The following NT5C1A variants were observed in gnomAD, a reference collection of about 807,000 sequenced individuals.
The protein encoded by NT5C1A is cytosolic 5'-nucleotidase 1A.
A neutral mutation model predicts 31.0 loss-of-function variants in NT5C1A; 18 were observed. The ratio of observed to expected loss-of-function variants is 0.58; its 90% CI spans 0.40 to 0.86. NT5C1A has a LOEUF of 0.86. NT5C1A is among the 40% of genes least tolerant of loss of function. The pLI, the probability that NT5C1A is intolerant of heterozygous loss-of-function variation, is 0.00. For synonymous variants in NT5C1A, 185 were observed against 203.6 expected (o/e 0.91, Z 0.78); for missense variants, 470 against 505.4 (o/e 0.93, Z 0.67).
rs748091181 is a variant in NT5C1A, at chr1:39,665,531, G to C, written c.423C>G (p.Ile141Met). 1.2e-6 allele frequency: 2 copies of C among 1,612,634 alleles called. No individual in the cohort carries two copies. The highest frequency in any genetic ancestry group is 1.7e-6 in the Non-Finnish European group (2 of 1,179,602). ...AQVGVRLINSINHYDLFIERF... is the reference protein window; with the variant it reads ...AQVGVRLINSMNHYDLFIERF... Reference sequence around the variant, plus strand: ...CATGCTCATGCTCACCATAGTGGTTGATACTGTTGATGAGGCGGACACCCA... The same window carrying C: ...CATGCTCATGCTCACCATAGTGGTTCATACTGTTGATGAGGCGGACACCCA... The change falls in exon 3 of 6, where the codon ATC (isoleucine) becomes ATG (methionine). Residue 141 changes from isoleucine (I) to methionine (M), a missense_variant. By Grantham distance (10) the Ile-to-Met change is conservative (BLOSUM62 1). Coordinates refer to ENST00000235628, the MANE Select transcript of NT5C1A (RefSeq NM_032526.3).
At chr1:39,664,593 A>G (rs757706147) in intron 3 of NT5C1A, among the ~76,000 whole-genome samples, 22 of 135,852 alleles carry the variant, frequency 1.6e-4, no homozygotes, top group Non-Finnish European at 2.5e-4. Context: ...CCCGGGTTCA[A>G]GTGATTCTCA....
Position 39,667,190 on chromosome 1 carries a change from C to T in NT5C1A, c.136-954G>A, listed in dbSNP as rs945481399. Reference sequence around the variant, plus strand: ...GCTTTCTCACATCAGGTCATACTTTCCCCCTCTTTTTTTTTTTTTTTTTTT... The same window carrying T: ...GCTTTCTCACATCAGGTCATACTTTTCCCCTCTTTTTTTTTTTTTTTTTTT... On this transcript the variant is annotated intron_variant, in intron 1 of 5. Transcript: ENST00000235628. 3.7e-5 allele frequency among the ~76,000 whole-genome samples: 5 copies of T among 136,216 alleles called. 1 individual carries two copies. The highest frequency in any genetic ancestry group is 6.1e-5 in the Non-Finnish European group (4 of 65,344). 89.4% of individuals were successfully genotyped at this position (136,216 alleles called of 152,430 possible).
chr1:39,661,914 C>T (rs1646494702), intron 4 of NT5C1A, among the ~76,000 whole-genome samples: 1 of 152,348 alleles, frequency 6.6e-6, no homozygotes, highest in African/African-American at 2.4e-5. Flanking sequence ...GTATGCCCTG[C>T]TGGCGGCTGG....
At chr1:39,665,262 C>A (rs933441861) in intron 3 of NT5C1A, among the ~76,000 whole-genome samples, 2 of 152,218 alleles carry the variant, frequency 1.3e-5, no homozygotes, top group Non-Finnish European at 2.9e-5. Context: ...GTTAAACATT[C>A]AGAAATTTTG....
At chr1:39,671,819 C>G in intron 1 of NT5C1A, 85 bp downstream of exon 1, 1 of 1,534,568 alleles carries the variant, frequency 6.5e-7, no homozygotes, top group Non-Finnish European at 8.9e-7. Context: ...AGAGGGGCGC[C>G]ACGGGTCCCT....
At chr1:39,663,537 C>T (rs528340370) in intron 3 of NT5C1A, 103 bp from the exon 4 acceptor site, 28 of 1,190,184 alleles carry the variant, frequency 2.4e-5, no homozygotes, top group Admixed American at 8.6e-5. Context: ...GGGTGTGGTA[C>T]GGCAGCACAG....
intron 2 of NT5C1A, 96 bp from the exon 3 acceptor site, chr1:39,665,746 C>G: frequency 7.8e-7 from 1 of 1,288,334 alleles, no homozygotes; most frequent in Non-Finnish European, 1.1e-6. Flanking sequence ...AGGAGCCATG[C>G]TTGGGATGAG....
rs974385212 is a variant in NT5C1A at position 39,652,254 on chromosome 1, C to T, written c.*6867G>A. On this transcript the variant is annotated 3_prime_UTR_variant, in exon 6 of 6. Transcript: ENST00000235628. ...AACTGGAGATTCAAGGGCCGGATCT[C>T]GCCTACAGAATATGTTTTATTTGGC... is the stretch of plus-strand genomic sequence containing the variant. Among the ~76,000 whole-genome samples, 3 of 151,920 alleles carry T rather than the reference C, an allele frequency of 2.0e-5. No homozygotes were observed. Among genetic ancestry groups the T allele is most frequent in the Admixed American group, 2.0e-4 (3 of 15,246 alleles).
intron 4 of NT5C1A, 79 bp downstream of exon 4, chr1:39,663,233 G>A (rs1047375881): frequency 4.6e-5 from 71 of 1,560,218 alleles, no homozygotes; most frequent in Admixed American, 6.8e-5. Context: ...GCACCTGCTC[G>A]GAACTTCAGG....
intron 3 of NT5C1A, 115 bp from the exon 4 acceptor site, chr1:39,663,549 G>A (rs551611684): frequency 3.3e-5 from 33 of 1,012,382 alleles, no homozygotes; most frequent in East Asian, 1.0e-4. Flanking sequence ...GCAGCACAGC[G>A]TGTCTCAGTG....
rs1488045472 is a variant in NT5C1A at position 39,658,593 on chromosome 1, C to A, written c.*528G>T. On this transcript the variant is annotated 3_prime_UTR_variant, in exon 6 of 6. Coordinates refer to ENST00000235628, the MANE Select transcript of NT5C1A (RefSeq NM_032526.3). Reference sequence around the variant, plus strand: ...ATACATACCAGCAGCAGCACTGACACAGAATGCTTCCTTCTAAGAGGGCGA... The same window carrying A: ...ATACATACCAGCAGCAGCACTGACAAAGAATGCTTCCTTCTAAGAGGGCGA... Among the ~76,000 whole-genome samples the A allele has an allele frequency of 6.6e-6, 1 of 152,176 alleles. No individual in the cohort carries two copies. Among genetic ancestry groups the A allele is most frequent in the African/African-American group, 2.4e-5 (1 of 41,424 alleles).
In NT5C1A at chr1:39,659,404, A is replaced by G. The variant is rs1469917272; in HGVS notation, c.824T>C (p.Ile275Thr). 2 of 1,613,464 alleles carry G rather than the reference A, an allele frequency of 1.2e-6. No individual in the cohort carries two copies. The highest frequency in any genetic ancestry group is 2.2e-5 in the East Asian group (1 of 44,866). The change falls in exon 6 of 6, where the codon ATT becomes ACT. Residue 275 changes from isoleucine (I) to threonine (T), a missense_variant. By Grantham distance (89) the Ile-to-Thr change is moderately conservative. Transcript: ENST00000235628. Reference sequence around the variant, plus strand: ...GCGTGCTGTCACCAAGTAGGTACGAATTGGGCACTCCAGCCGCAGGCCTTT... The same window carrying G: ...GCGTGCTGTCACCAAGTAGGTACGAGTTGGGCACTCCAGCCGCAGGCCTTT... ...YSKGLRLECP[I>T]RTYLVTARSA... is the part of the protein sequence containing the mutation.
rs1368826742 is a variant in NT5C1A, at chr1:39,658,378, C to T, written c.*743G>A. Reference sequence around the variant, plus strand: ...AAATTATAGATAGAGTTGCTGGGGGCGATTTTGCATTTTGTCCATTTGAGA... The same window carrying T: ...AAATTATAGATAGAGTTGCTGGGGGTGATTTTGCATTTTGTCCATTTGAGA... On this transcript the variant is annotated 3_prime_UTR_variant, in exon 6 of 6. Transcript: ENST00000235628. Among the ~76,000 whole-genome samples the T allele has an allele frequency of 6.6e-6, 1 of 152,066 alleles. No individual in the cohort carries two copies. The highest frequency in any genetic ancestry group is 1.5e-5 in the Non-Finnish European group (1 of 68,008).
At chr1:39,665,389 G>A (rs1010514469) in intron 3 of NT5C1A, 132 bp downstream of exon 3, 3 of 793,518 alleles carry the variant, frequency 3.8e-6, no homozygotes, top group African/African-American at 3.6e-5. Context: ...TTTAAAGAGC[G>A]AATTTACCAG....
rs1646441222 is a variant in NT5C1A at position 39,653,054 on chromosome 1, A to T, written c.*6067T>A. ...ATTTTTGCAGTGCACAATCTGCCCA[A>T]CTGGACACGTTGGCCTTGGCACTGT... On this transcript the variant is annotated 3_prime_UTR_variant, in exon 6 of 6. Coordinates refer to ENST00000235628, the MANE Select transcript of NT5C1A (RefSeq NM_032526.3). Among the ~76,000 whole-genome samples the T allele has an allele frequency of 6.6e-6, 1 of 152,150 alleles. No homozygotes were observed. Among genetic ancestry groups the T allele is most frequent in the African/African-American group, 2.4e-5 (1 of 41,438 alleles).
rs1312564769 is a variant in NT5C1A at position 39,653,727 on chromosome 1, G to C, written c.*5394C>G. On this transcript the variant is annotated 3_prime_UTR_variant, in exon 6 of 6. Transcript: ENST00000235628. ...CAGTGCCACCTACTGGCAGAAAGGAGGTGGTTTTGTGTTTTGCTTTAAGAC... is the reference window on the plus strand; with the variant it reads ...CAGTGCCACCTACTGGCAGAAAGGACGTGGTTTTGTGTTTTGCTTTAAGAC... Among the ~76,000 whole-genome samples the C allele has an allele frequency of 1.3e-5, 2 of 152,170 alleles. No homozygotes were observed. Among genetic ancestry groups the C allele is most frequent in the Non-Finnish European group, 2.9e-5 (2 of 68,034 alleles).
rs771619472 is a variant in NT5C1A at position 39,655,020 on chromosome 1, C to A, written c.*4101G>T. Among the ~76,000 whole-genome samples, 1 of 152,170 alleles carries A rather than the reference C, an allele frequency of 6.6e-6. No individual in the cohort carries two copies. The highest frequency in any genetic ancestry group is 1.5e-5 in the Non-Finnish European group (1 of 68,022). On this transcript the variant is annotated 3_prime_UTR_variant, in exon 6 of 6. Coordinates refer to ENST00000235628, the MANE Select transcript of NT5C1A (RefSeq NM_032526.3). ...GCAGTGGCGTGATCTCGGTTCACTG[C>A]AACCTCCGCCTTCCGGGTTCAAGTG...
At chr1:39,667,400 A>C (rs1188316494) in intron 1 of NT5C1A, among the ~76,000 whole-genome samples, 1 of 152,098 alleles carries the variant, frequency 6.6e-6, no homozygotes, top group East Asian at 1.9e-4. Flanking sequence ...GAGGATCAGA[A>C]TATGAGTGCC....
intron 4 of NT5C1A, 75 bp from the exon 5 acceptor site, chr1:39,661,338 C>A: frequency 1.4e-6 from 1 of 706,660 alleles, no homozygotes; most frequent in Non-Finnish European, 2.5e-6. Context: ...TTAGGCTATC[C>A]TTGCCCCACC....
Sources: allele counts gnomAD v4.1 joint callset (sites outside exome capture counted in the v4.1 genomes callset), GRCh38; gene constraint gnomAD v4.1.1; transcripts MANE v1.5; gene names NCBI Gene and HGNC (gene_info 2026-07-23, HGNC 2026-07-21).